The following SCML4 variants were observed in gnomAD, a reference collection of about 807,000 sequenced individuals.
SCML4 encodes the protein sex comb on midleg-like protein 4.
In SCML4, 34 loss-of-function variants were observed where a neutral mutation model predicts 41.1. That is an observed-to-expected ratio of 0.83 (90% CI 0.63 to 1.10). The LOEUF (loss-of-function observed/expected upper bound fraction) is 1.10. Ranked by LOEUF, SCML4 falls within the 50% of genes least tolerant of loss-of-function variation. The pLI is 0.00. For synonymous variants in SCML4, 214 were observed against 220.9 expected, an observed-to-expected ratio of 0.97 and a Z score of 0.28; for missense variants, 522 against 534.1, an observed-to-expected ratio of 0.98 and a Z score of 0.22.
At chr6:107,839,784 G>T in the SCML4 span, among the ~76,000 whole-genome samples, 4 of 152,212 alleles carry the variant, frequency 2.6e-5, no homozygotes, top group East Asian at 5.8e-4. Flanking sequence ...TAGAGATGGG[G>T]TCTTCCTATG....
intron 1 of SCML4, among the ~76,000 whole-genome samples, chr6:107,797,973 T>G (rs1210856813): frequency 2.0e-5 from 3 of 152,054 alleles, no homozygotes; most frequent in African/African-American, 7.2e-5. Context: ...TAAACTCCAG[T>G]AGACTATGAC....
intron 1 of SCML4, among the ~76,000 whole-genome samples, chr6:107,798,188 TA>T (rs199667915): frequency 0.013 from 1,983 of 152,128 alleles, 47 homozygotes; most frequent in African/African-American, 0.046. Flanking sequence ...TCAAAGAGCA[TA>T]TATAAGATAT....
At chr6:107,795,555 T>C (rs1209547827) in intron 1 of SCML4, among the ~76,000 whole-genome samples, 1 of 152,118 alleles carries the variant, frequency 6.6e-6, no homozygotes, top group Non-Finnish European at 1.5e-5. Flanking sequence ...TGAGATGGAG[T>C]CTTGCCCTGT....
At chr6:107,841,702 G>C in the SCML4 span, among the ~76,000 whole-genome samples, 6 of 152,310 alleles carry the variant, frequency 3.9e-5, no homozygotes, top group South Asian at 1.2e-3. Flanking sequence ...ATAAATGTCA[G>C]CTTTAAAAAT....
intron 1 of SCML4, among the ~76,000 whole-genome samples, chr6:107,773,186 C>T (rs1012713168): frequency 3.3e-5 from 5 of 152,136 alleles, no homozygotes; most frequent in Non-Finnish European, 1.5e-5. Context: ...TGCTAAAATG[C>T]CACCAAGGCA....
intron 1 of SCML4, among the ~76,000 whole-genome samples, chr6:107,778,222 A>AAAATAT (rs1554218145): frequency 1.3e-4 from 2 of 15,542 alleles, no homozygotes; most frequent in Non-Finnish European, 3.0e-4. Context: ...AAAAAAAAAA[A>AAAATAT]ATATATATAT....
At chr6:107,749,932 T>A in intron 2 of SCML4, 119 bp from the exon 3 acceptor site, 2 of 1,030,284 alleles carry the variant, frequency 1.9e-6, no homozygotes, top group Non-Finnish European at 2.9e-6. Flanking sequence ...CACCTTTCCA[T>A]CCTGCAGTTT....
chr6:107,841,804 G>A, the SCML4 span, among the ~76,000 whole-genome samples: 27 of 152,232 alleles, frequency 1.8e-4, no homozygotes, highest in African/African-American at 6.0e-4. Context: ...CTCCAAGTCT[G>A]ACCTGTGTAA....
intron 6 of SCML4, among the ~76,000 whole-genome samples, chr6:107,717,126 C>T (rs1357611061): frequency 1.6e-5 from 2 of 122,580 alleles, no homozygotes; most frequent in East Asian, 2.4e-4. Flanking sequence ...TGTGAAACCC[C>T]GTCTCTACTA....
intron 1 of SCML4, among the ~76,000 whole-genome samples, chr6:107,785,663 G>T (rs1332105453): frequency 1.3e-5 from 2 of 152,212 alleles, no homozygotes; most frequent in African/African-American, 4.8e-5. Flanking sequence ...GGTCACCGGG[G>T]TGCTGTGGTG....
At chr6:107,723,091 A>G (rs905799368) in intron 5 of SCML4, among the ~76,000 whole-genome samples, 4 of 152,234 alleles carry the variant, frequency 2.6e-5, no homozygotes, top group African/African-American at 4.8e-5. Flanking sequence ...TCAAATTACT[A>G]GAATCAGAAA....
chr6:107,732,219 A>T (rs1291935153), intron 5 of SCML4: 1 of 152,284 alleles, frequency 6.6e-6, no homozygotes, highest in Non-Finnish European at 1.5e-5. Flanking sequence ...CTTGCAGATA[A>T]GGGAGTTTTC....
chr6:107,772,279 G>A lies in SCML4; in HGVS notation c.49C>T (p.His17Tyr). The change falls in exon 2 of 8, where the codon CAC becomes TAC. Residue 17 changes from histidine (H) to tyrosine (Y), a missense_variant. His to Tyr is a moderately conservative substitution (Grantham distance 83). Transcript: ENST00000369020. Reference sequence around the variant, plus strand: ...ACTGCCATCTTCATAGGCGTGGAGTGAAGTGAGGGTCGGCCTCGCTTTCTC... The same window carrying A: ...ACTGCCATCTTCATAGGCGTGGAGTAAAGTGAGGGTCGGCCTCGCTTTCTC... Reference protein sequence around the residue: ...PGRKRGRPSLHSTPMKMAVHN... With the variant: ...PGRKRGRPSLYSTPMKMAVHN... 1 of 1,551,732 alleles carries A rather than the reference G, an allele frequency of 6.4e-7. No individual in the cohort carries two copies.
At chr6:107,729,857 G>T (rs1300928536) in intron 5 of SCML4, among the ~76,000 whole-genome samples, 3 of 152,136 alleles carry the variant, frequency 2.0e-5, no homozygotes, top group African/African-American at 7.2e-5. Context: ...AAGAAACTAT[G>T]GTAGATAACT....
intron 1 of SCML4, among the ~76,000 whole-genome samples, chr6:107,822,392 C>A (rs1000548970): frequency 6.6e-6 from 1 of 152,156 alleles, no homozygotes; most frequent in Admixed American, 6.5e-5. Context: ...TGATTTCCCT[C>A]GCCTCGAAAA....
intron 6 of SCML4, chr6:107,718,297 G>A (rs1271566088): frequency 1.3e-5 from 2 of 152,234 alleles, no homozygotes; most frequent in Non-Finnish European, 2.9e-5. Flanking sequence ...CTTATAAAGG[G>A]GAGTTCCCTT....
intron 1 of SCML4, among the ~76,000 whole-genome samples, chr6:107,811,269 T>C (rs1784140797): frequency 6.6e-6 from 1 of 152,200 alleles, no homozygotes; most frequent in South Asian, 2.1e-4. Context: ...ATAAAAACAT[T>C]TTCTTCTCTT....
At chr6:107,750,737 C>T (rs1249296028) in intron 2 of SCML4, among the ~76,000 whole-genome samples, 3 of 152,136 alleles carry the variant, frequency 2.0e-5, no homozygotes, top group Admixed American at 1.3e-4. Flanking sequence ...TGCAATCAAC[C>T]TTCTAGAGGG....
intron 6 of SCML4, chr6:107,720,208 G>T: frequency 2.6e-6 from 2 of 782,968 alleles, no homozygotes; most frequent in Non-Finnish European, 3.1e-6. Context: ...GTGGCAAAAT[G>T]ACCAGCTTTT....
Sources: gnomAD v4.1 joint callset for allele counts (sites outside exome capture counted in the v4.1 genomes callset) on GRCh38, gnomAD v4.1.1 for gene constraint, MANE v1.5 for transcripts, NCBI Gene and HGNC (gene_info 2026-07-23, HGNC 2026-07-21) for gene names.